DGKB: variants seen among roughly 807,000 people sequenced by gnomAD.
DGKB encodes diacylglycerol kinase beta, also known as 90 kDa diacylglycerol kinase.
Under a neutral mutation model 114.3 loss-of-function variants are expected in DGKB, and 67 were observed. The observed-to-expected ratio is 0.59, with a 90% CI of 0.48 to 0.72. The LOEUF is 0.72. Among genes scored for constraint, DGKB ranks in the 30% least tolerant of loss-of-function variants. The pLI, the probability that DGKB is intolerant of heterozygous loss-of-function variation, is 0.00. For missense variants in DGKB, 907 were observed against 975.2 expected, an observed-to-expected ratio of 0.93 and a Z score of 0.93; for synonymous variants, 398 against 323.1, an observed-to-expected ratio of 1.23 and a Z score of -2.49.
chr7:14,689,932 A>G lies in DGKB; in HGVS notation c.711+4143T>C, dbSNP rs10244887. On this transcript the variant is annotated intron_variant, in intron 9 of 25. Transcript: ENST00000402815. ...TCTTAAACAATCTCAGTCAAAGGCA[A>G]AGTTTAAATGACCTATAAGAATTGA... Among the ~76,000 whole-genome samples the G allele has an allele frequency of 5.8e-3, 890 of 152,304 alleles. 6 individuals carry two copies. Among genetic ancestry groups the G allele is most frequent in the African/African-American group, 0.02 (852 of 41,562 alleles).
chr7:14,228,907 T>TGTGTGTGTGTGTGTGTGTGTGTG (rs774888930), intron 23 of DGKB, among the ~76,000 whole-genome samples: 1 of 151,458 alleles, frequency 6.6e-6, no homozygotes, highest in South Asian at 2.1e-4. Flanking sequence ...TGTGTGTGTG[T>TGTGTGTGTGTGTGTGTGTGTGTG]TCAAAAATAA....
intron 25 of DGKB, among the ~76,000 whole-genome samples, chr7:14,154,000 T>G (rs933246756): frequency 2.0e-5 from 3 of 151,772 alleles, no homozygotes. Context: ...ATTTGGGGTG[T>G]TTTCTAGCAA....
At chr7:14,957,535 AT>A (rs752576801) in intron 1 of DGKB, among the ~76,000 whole-genome samples, 6 of 152,082 alleles carry the variant, frequency 3.9e-5, no homozygotes, top group Non-Finnish European at 8.8e-5. Context: ...CAGGAGGAAT[AT>A]ATGAATATAT....
chr7:14,878,614 T>C (rs1853685440), intron 1 of DGKB, among the ~76,000 whole-genome samples: 1 of 151,744 alleles, frequency 6.6e-6, no homozygotes, highest in South Asian at 2.1e-4. Context: ...CTGGGCGTAG[T>C]GGCGGGCGCC....
chr7:14,606,857 T>C (rs1176770507), intron 17 of DGKB, among the ~76,000 whole-genome samples: 2 of 152,042 alleles, frequency 1.3e-5, no homozygotes, highest in Non-Finnish European at 2.9e-5. Context: ...ATTGATTAGA[T>C]TTGGTAAGTA....
intron 2 of DGKB, among the ~76,000 whole-genome samples, chr7:14,771,064 C>G (rs951677761): frequency 4.6e-5 from 7 of 152,068 alleles, no homozygotes; most frequent in Non-Finnish European, 1.0e-4. Flanking sequence ...TAAATGAACT[C>G]CCCAAATCTC....
chr7:14,584,085 T>C (rs939103281), intron 17 of DGKB, among the ~76,000 whole-genome samples: 1 of 152,234 alleles, frequency 6.6e-6, no homozygotes, highest in African/African-American at 2.4e-5. Flanking sequence ...TACTGTTCAT[T>C]AACTTGTGTG....
intron 5 of DGKB, among the ~76,000 whole-genome samples, chr7:14,731,287 G>T (rs1437039524): frequency 6.6e-6 from 1 of 152,158 alleles, no homozygotes; most frequent in Admixed American, 6.5e-5. Flanking sequence ...TCCAGACAAA[G>T]TGTTCCATCT....
chr7:14,818,445 G>A (rs1844466111), intron 2 of DGKB, among the ~76,000 whole-genome samples: 1 of 152,194 alleles, frequency 6.6e-6, no homozygotes, highest in Admixed American at 6.5e-5. Flanking sequence ...AGGCTGTGTG[G>A]CCCACTGTGT....
At chr7:14,285,369 G>A (rs958069808) in intron 23 of DGKB, among the ~76,000 whole-genome samples, 2 of 152,126 alleles carry the variant, frequency 1.3e-5, no homozygotes, top group African/African-American at 4.8e-5. Context: ...GCAAAGAGGT[G>A]GGAGGATGTA....
chr7:14,811,508 C>T (rs1377575185), intron 2 of DGKB, among the ~76,000 whole-genome samples: 1 of 147,448 alleles, frequency 6.8e-6, no homozygotes, highest in Non-Finnish European at 1.5e-5. Flanking sequence ...TCATGAAATT[C>T]TTATTATTCA....
intron 20 of DGKB, among the ~76,000 whole-genome samples, chr7:14,493,925 TACAC>T (rs372780599): frequency 0.019 from 2,572 of 137,686 alleles, 67 homozygotes; most frequent in African/African-American, 0.061. Context: ...CATGGTATCA[TACAC>T]ACACACACAC....
intron 17 of DGKB, among the ~76,000 whole-genome samples, chr7:14,598,186 C>A (rs1229282452): frequency 2.0e-5 from 3 of 152,128 alleles, no homozygotes; most frequent in Non-Finnish European, 4.4e-5. Context: ...GAATTCAAAT[C>A]ATCTTTGCAA....
chr7:14,832,799 T>A (rs556638005), intron 2 of DGKB, among the ~76,000 whole-genome samples: 4 of 152,164 alleles, frequency 2.6e-5, no homozygotes, highest in Admixed American at 1.3e-4. Context: ...CACTAAAACA[T>A]CTCATCTATG....
intron 9 of DGKB, among the ~76,000 whole-genome samples, chr7:14,690,623 A>C (rs1822662547): frequency 6.6e-6 from 1 of 152,252 alleles, no homozygotes. Context: ...TGGTTCATTT[A>C]CATAATTTCT....
chr7:14,919,062 G>GCACGCA, intron 1 of DGKB, among the ~76,000 whole-genome samples: 1 of 118,150 alleles, frequency 8.5e-6, no homozygotes, highest in Non-Finnish European at 1.7e-5. Context: ...TCCACCACAC[G>GCACGCA]CACACACACA....
chr7:14,954,163 AC>A (rs1345822830), intron 1 of DGKB, among the ~76,000 whole-genome samples: 26 of 151,996 alleles, frequency 1.7e-4, no homozygotes, highest in Non-Finnish European at 3.7e-4. Flanking sequence ...TAAGTCAATA[AC>A]CTTGACATCC....
At chr7:14,586,156 T>C (rs1279785274) in intron 17 of DGKB, among the ~76,000 whole-genome samples, 1 of 152,108 alleles carries the variant, frequency 6.6e-6, no homozygotes, top group East Asian at 1.9e-4. Context: ...TTTGTGCCAG[T>C]AAGCCAAGCT....
chr7:14,466,659 A>C (rs867163792), intron 21 of DGKB, among the ~76,000 whole-genome samples: 8 of 150,202 alleles, frequency 5.3e-5, no homozygotes, highest in South Asian at 2.1e-4. Context: ...AAAAAAAAAA[A>C]ACACAAAAAT....
Sources: allele counts gnomAD v4.1 joint callset (sites outside exome capture counted in the v4.1 genomes callset), GRCh38; gene constraint gnomAD v4.1.1; transcripts MANE v1.5; gene names NCBI Gene and HGNC (gene_info 2026-07-23, HGNC 2026-07-21).